The following ZMAT3 variants were observed in gnomAD, a reference collection of about 807,000 sequenced individuals.
ZMAT3 encodes zinc finger matrin-type protein 3.
ZMAT3 carries 17 observed loss-of-function variants against 32.3 expected under a neutral mutation model. The observed-to-expected ratio is 0.53, with a 90% CI of 0.36 to 0.79. The LOEUF (loss-of-function observed/expected upper bound fraction) is 0.79, where lower values mean the gene tolerates loss of function less well. ZMAT3 is among the 30% of genes least tolerant of loss of function. The probability of loss-of-function intolerance (pLI) is 0.00; values close to 1 mark genes in which losing one functional copy is unlikely to be tolerated. For missense variants in ZMAT3, 329 were observed against 359.7 expected, an observed-to-expected ratio of 0.91 and a Z score of 0.69; for synonymous variants, 120 against 133.1, an observed-to-expected ratio of 0.90 and a Z score of 0.68.
chr3:179,053,967 T>C (rs1720703829), intron 2 of ZMAT3, among the ~76,000 whole-genome samples: 1 of 152,240 alleles, frequency 6.6e-6, no homozygotes, highest in South Asian at 2.1e-4. Flanking sequence ...ACAATATCAT[T>C]TGAATCTGTG....
In ZMAT3 at chr3:179,038,851, C is replaced by A. The variant is rs1719747615; in HGVS notation, c.271-7852G>T. The stretch of plus-strand genomic sequence containing the variant: ...CTGCACCTGGAAAAACAGGACACTT[C>A]TGCCCAAATACTGCGCTTTTCCCAA... On this transcript the variant is annotated intron_variant, in intron 2 of 5. Transcript: ENST00000311417. Among the ~76,000 whole-genome samples, 9 of 152,350 alleles carry A rather than the reference C, an allele frequency of 5.9e-5. No individual in the cohort carries two copies. The South Asian group carries it at 1.9e-3, about 32-fold the overall frequency.
At chr3:179,037,191 C>CA (rs1719641792) in intron 2 of ZMAT3, among the ~76,000 whole-genome samples, 1 of 152,186 alleles carries the variant, frequency 6.6e-6, no homozygotes, top group Admixed American at 6.5e-5. Flanking sequence ...CTGTAACACA[C>CA]ACCCATTCAC....
intron 2 of ZMAT3, among the ~76,000 whole-genome samples, chr3:179,039,202 G>A (rs1008020136): frequency 2.0e-5 from 3 of 152,250 alleles, no homozygotes; most frequent in Non-Finnish European, 4.4e-5. Flanking sequence ...TCTGAAGAGA[G>A]CAGTGGTTCT....
chr3:179,057,865 C>T lies in ZMAT3; in HGVS notation c.270+9618G>A, dbSNP rs182094486. Among the ~76,000 whole-genome samples the T allele has an allele frequency of 4.4e-3, 664 of 152,346 alleles. 8 individuals carry two copies. The highest frequency in any genetic ancestry group is 0.027 in the Middle Eastern group (8 of 294). ...ATTCTATACACTAATTAAGGAAACTCAGAAAGCCAATACCCATTTAGTAAG... is the reference window on the plus strand; with the variant it reads ...ATTCTATACACTAATTAAGGAAACTTAGAAAGCCAATACCCATTTAGTAAG... On this transcript the variant is annotated intron_variant, in intron 2 of 5. Transcript: ENST00000311417.
chr3:179,037,113 C>T (rs1241668910), intron 2 of ZMAT3, among the ~76,000 whole-genome samples: 1 of 152,134 alleles, frequency 6.6e-6, no homozygotes, highest in African/African-American at 2.4e-5. Flanking sequence ...TATTCACTCT[C>T]CAGTGTCCAT....
chr3:179,057,818 G>C (rs1315806579), intron 2 of ZMAT3, among the ~76,000 whole-genome samples: 2 of 152,134 alleles, frequency 1.3e-5, no homozygotes, highest in Non-Finnish European at 2.9e-5. Flanking sequence ...TGGATTCCCA[G>C]GTACGGTGAA....
At chr3:179,054,009 G>C (rs1720706372) in intron 2 of ZMAT3, among the ~76,000 whole-genome samples, 1 of 152,162 alleles carries the variant, frequency 6.6e-6, no homozygotes, top group Non-Finnish European at 1.5e-5. Flanking sequence ...CTATACTGTA[G>C]TTATGTAAAA....
rs115190832 is a variant in ZMAT3, at chr3:179,061,834, C to G, written c.270+5649G>C. Among the ~76,000 whole-genome samples the G allele has an allele frequency of 3.6e-3, 541 of 152,162 alleles. 3 individuals carry two copies. The highest frequency in any genetic ancestry group is 0.013 in the African/African-American group (526 of 41,522). ...GCAAAATTCCCTATTCACAATAATGCAAAAACTCAATGTTAATTTTCAACA... is the reference window on the plus strand; with the variant it reads ...GCAAAATTCCCTATTCACAATAATGGAAAAACTCAATGTTAATTTTCAACA... On this transcript the variant is annotated intron_variant, in intron 2 of 5. Coordinates refer to ENST00000311417, the MANE Select transcript of ZMAT3 (RefSeq NM_022470.4).
intron 2 of ZMAT3, among the ~76,000 whole-genome samples, chr3:179,049,695 C>CAAAAAGTTTG (rs1361078821): frequency 6.6e-6 from 1 of 152,106 alleles, no homozygotes; most frequent in Non-Finnish European, 1.5e-5. Flanking sequence ...CTGCCTACAT[C>CAAAAAGTTTG]AAAAAGTTTG....
intron 2 of ZMAT3, among the ~76,000 whole-genome samples, chr3:179,052,508 T>C (rs1440856718): frequency 6.6e-6 from 1 of 152,216 alleles, no homozygotes; most frequent in Admixed American, 6.5e-5. Flanking sequence ...GATGTTGGCA[T>C]GGATGTGGTC....
rs114396304 is a variant in ZMAT3, at chr3:179,049,403, G to A, written c.270+18080C>T. 6.8e-3 allele frequency among the ~76,000 whole-genome samples: 1,030 copies of A among 152,236 alleles called. 15 individuals carry two copies. Among genetic ancestry groups the A allele is most frequent in the Non-Finnish European group, 9.4e-3 (640 of 68,012 alleles). ...AGCACATGGAACATTCTTCAAGGTA[G>A]ACCATATGATAGCCACAAAACAAGT... On this transcript the variant is annotated intron_variant, in intron 2 of 5. Coordinates refer to ENST00000311417, the MANE Select transcript of ZMAT3 (RefSeq NM_022470.4).
At position 179,022,999 on chromosome 3, in the gene ZMAT3, C is replaced by CA. The variant is rs1174155575; in HGVS notation, c.*2017dup. Reference sequence around the variant, plus strand: ...AATCAAATGTGAACTGACCATTGTGCAAACATACTGCTTAAAATATAAACT... The same window carrying CA: ...AATCAAATGTGAACTGACCATTGTGCAAAACATACTGCTTAAAATATAAACT... On this transcript the variant is annotated 3_prime_UTR_variant, in exon 6 of 6. Coordinates refer to ENST00000311417, the MANE Select transcript of ZMAT3 (RefSeq NM_022470.4). 2.6e-5 allele frequency: 4 copies of CA among 152,160 alleles called. No homozygotes were observed. Among genetic ancestry groups the CA allele is most frequent in the African/African-American group, 9.7e-5 (4 of 41,424 alleles). The allele number at this position is 152,160 out of a possible 1,614,324, so 9.4% of individuals were successfully genotyped here. A position where few individuals can be genotyped will look rare whatever the true frequency, so the allele number is the denominator to read the frequency against.
At chr3:179,057,047 T>C (rs1212912023) in intron 2 of ZMAT3, among the ~76,000 whole-genome samples, 1 of 152,144 alleles carries the variant, frequency 6.6e-6, no homozygotes, top group South Asian at 2.1e-4. Context: ...CAAGTTAAAC[T>C]AAAGGATTCC....
intron 2 of ZMAT3, among the ~76,000 whole-genome samples, chr3:179,038,363 T>C (rs1372172736): frequency 2.0e-5 from 3 of 152,090 alleles, no homozygotes; most frequent in African/African-American, 4.8e-5. Flanking sequence ...GAAGGATCAC[T>C]TGAGTCTAAG....
At chr3:179,066,240 T>C (rs541351957) in intron 2 of ZMAT3, among the ~76,000 whole-genome samples, 2 of 151,970 alleles carry the variant, frequency 1.3e-5, no homozygotes, top group South Asian at 4.2e-4. Context: ...AACGTAAAAA[T>C]AAAACCAGAA....
chr3:179,026,169 T>C (rs973526716), intron 5 of ZMAT3, among the ~76,000 whole-genome samples: 3 of 152,116 alleles, frequency 2.0e-5, no homozygotes, highest in African/African-American at 7.2e-5. Context: ...TTTCTATTTT[T>C]GTTGTTGACA....
chr3:179,022,674 G>A lies in ZMAT3; in HGVS notation c.*2343C>T, dbSNP rs1338555586. On this transcript the variant is annotated 3_prime_UTR_variant, in exon 6 of 6. Coordinates refer to ENST00000311417, the MANE Select transcript of ZMAT3 (RefSeq NM_022470.4). Reference sequence around the variant, plus strand: ...TAATAAAAGGGTTATTATACTAAGAGTCACAGGTCTAGATAGAATCCTAAC... The same window carrying A: ...TAATAAAAGGGTTATTATACTAAGAATCACAGGTCTAGATAGAATCCTAAC... 1 of 151,264 alleles carries A rather than the reference G, an allele frequency of 6.6e-6. No homozygotes were observed. The highest frequency in any genetic ancestry group is 1.5e-5 in the Non-Finnish European group (1 of 67,918). 9.4% of individuals were successfully genotyped at this position (151,264 alleles called of 1,614,324 possible). A position where few individuals can be genotyped will look rare whatever the true frequency, so the allele number is the denominator to read the frequency against.
chr3:179,038,898 A>T (rs1300815673), intron 2 of ZMAT3, among the ~76,000 whole-genome samples: 1 of 152,258 alleles, frequency 6.6e-6, no homozygotes, highest in Non-Finnish European at 1.5e-5. Flanking sequence ...CCGGAAAACA[A>T]GGAGATACTC....
chr3:179,050,486 C>CA (rs967800622), intron 2 of ZMAT3, among the ~76,000 whole-genome samples: 7 of 145,452 alleles, frequency 4.8e-5, no homozygotes, highest in Admixed American at 6.9e-5. Context: ...AAGTTACCAA[C>CA]AAAAAAAAAA....
Sources: gnomAD v4.1 joint callset for allele counts (sites outside exome capture counted in the v4.1 genomes callset) on GRCh38, gnomAD v4.1.1 for gene constraint, MANE v1.5 for transcripts, NCBI Gene and HGNC (gene_info 2026-07-23, HGNC 2026-07-21) for gene names.